Variants in ZDHHC3 observed in about 807,000 individuals in gnomAD.
The protein encoded by ZDHHC3 is palmitoyltransferase ZDHHC3.
ZDHHC3 carries 9 observed loss-of-function variants against 30.6 expected under a neutral mutation model. That is an observed-to-expected ratio of 0.29 (90% CI 0.18 to 0.51). The LOEUF (loss-of-function observed/expected upper bound fraction) is 0.51, where lower values mean the gene tolerates loss of function less well. Among genes scored for constraint, ZDHHC3 ranks in the 20% least tolerant of loss-of-function variants. ZDHHC3 has a pLI of 0.97. For synonymous variants in ZDHHC3, 136 were observed against 140.2 expected (o/e 0.97, Z 0.21); for missense variants, 246 against 384.2 (o/e 0.64, Z 3.01).
chr3:44,975,747 G>GTCTCTC (rs144383795), intron 1 of ZDHHC3, among the ~76,000 whole-genome samples, 186 bp downstream of exon 1: 2 of 134,718 alleles, frequency 1.5e-5, no homozygotes, highest in South Asian at 2.6e-4. Flanking sequence ...CTTAGTCGGG[G>GTCTCTC]TCTCTCTCTC....
In ZDHHC3 at chr3:44,929,312, A is replaced by G. The variant is rs746547111; in HGVS notation, c.735T>C (p.Asp245=). The change falls in exon 6 of 7, where the codon GAT becomes GAC. Residue 245 remains aspartate, a synonymous_variant. Transcript: ENST00000424952. ...GGCAGAGCCACCTGCTTACCGTCTCATCTGTGCAGATGGAGTGCACCTGGG... is the reference window on the plus strand; with the variant it reads ...GGCAGAGCCACCTGCTTACCGTCTCGTCTGTGCAGATGGAGTGCACCTGGG... The part of the protein sequence containing the change: ...FGTQVHSICT[D]ETGIEQLKKE... 1.7e-5 allele frequency: 27 copies of G among 1,613,958 alleles called. No homozygotes were observed. The highest frequency in any genetic ancestry group is 2.2e-5 in the Non-Finnish European group (26 of 1,179,908).
chr3:44,944,927 A>G (rs1702782612), intron 3 of ZDHHC3, among the ~76,000 whole-genome samples: 1 of 152,186 alleles, frequency 6.6e-6, no homozygotes, highest in Non-Finnish European at 1.5e-5. Flanking sequence ...GGCAGAGCCA[A>G]GTCCCGGGAC....
At chr3:44,964,256 A>G (rs920845035) in intron 1 of ZDHHC3, among the ~76,000 whole-genome samples, 2 of 152,236 alleles carry the variant, frequency 1.3e-5, no homozygotes, top group Non-Finnish European at 2.9e-5. Context: ...CCCAACAACC[A>G]TAAGTGAAAT....
At position 44,919,767 on chromosome 3, in the gene ZDHHC3, G is replaced by T; in HGVS notation, c.*6922C>A. 3 of 575,582 alleles carry T rather than the reference G, an allele frequency of 5.2e-6. No individual in the cohort carries two copies. The highest frequency in any genetic ancestry group is 6.6e-6 in the Non-Finnish European group (3 of 455,880). 35.7% of individuals were successfully genotyped at this position (575,582 alleles called of 1,614,324 possible). On this transcript the variant is annotated 3_prime_UTR_variant, in exon 7 of 7. Transcript: ENST00000424952. ...ATGGTTGTATAAAATGTTTACCTTT[G>T]GTGAGACTGACTGAAAGGTACATGG...
intron 3 of ZDHHC3, among the ~76,000 whole-genome samples, chr3:44,943,919 C>A (rs1702668386): frequency 6.6e-6 from 1 of 152,158 alleles, no homozygotes; most frequent in African/African-American, 2.4e-5. Flanking sequence ...GCCTGGGAGT[C>A]TGAAGCCGCA....
chr3:44,925,740 T>A lies in ZDHHC3; in HGVS notation c.*949A>T. 3.0e-6 allele frequency: 3 copies of A among 985,722 alleles called. No individual in the cohort carries two copies. Among genetic ancestry groups the A allele is most frequent in the Non-Finnish European group, 3.6e-6 (3 of 829,940 alleles). 61.1% of individuals were successfully genotyped at this position (985,722 alleles called of 1,614,324 possible). A position where few individuals can be genotyped will look rare whatever the true frequency, so the allele number is the denominator to read the frequency against. ...GTTAACTATCAGAAAGTGAATCCAC[T>A]TTGAGGTTTATAAAATGAGAAGGGG... On this transcript the variant is annotated 3_prime_UTR_variant, in exon 7 of 7. Transcript: ENST00000424952.
At chr3:44,965,742 G>C (rs1429192036) in intron 1 of ZDHHC3, among the ~76,000 whole-genome samples, 2 of 152,180 alleles carry the variant, frequency 1.3e-5, no homozygotes, top group Non-Finnish European at 2.9e-5. Context: ...ACTGTTCTCA[G>C]TCCAGCAAGT....
intron 1 of ZDHHC3, among the ~76,000 whole-genome samples, chr3:44,974,696 G>A (rs1423240890): frequency 6.6e-6 from 1 of 152,186 alleles, no homozygotes; most frequent in Non-Finnish European, 1.5e-5. Flanking sequence ...CCTTTTAGGT[G>A]CCCCTGTGGA....
intron 3 of ZDHHC3, among the ~76,000 whole-genome samples, chr3:44,940,244 T>C (rs754307875): frequency 2.2e-4 from 33 of 152,238 alleles, no homozygotes; most frequent in Non-Finnish European, 4.4e-4. Context: ...TGCATGCACA[T>C]GGGCAGGGGG....
intron 2 of ZDHHC3, among the ~76,000 whole-genome samples, chr3:44,950,231 A>T (rs1056365112): frequency 2.6e-5 from 4 of 152,240 alleles, no homozygotes; most frequent in Admixed American, 2.0e-4. Flanking sequence ...TGTCATGTGT[A>T]TAAGAGAAAA....
chr3:44,925,969 C>T lies in ZDHHC3; in HGVS notation c.*720G>A. Reference sequence around the variant, plus strand: ...AAGGCATTTTGAACTGGAAAAACGTCTTTCCTACACACTCTTCCAAATAAT... The same window carrying T: ...AAGGCATTTTGAACTGGAAAAACGTTTTTCCTACACACTCTTCCAAATAAT... On this transcript the variant is annotated 3_prime_UTR_variant, in exon 7 of 7. Coordinates refer to ENST00000424952, the MANE Select transcript of ZDHHC3 (RefSeq NM_001135179.2). 1.0e-6 allele frequency: 1 copy of T among 985,826 alleles called. No individual in the cohort carries two copies. Among genetic ancestry groups the T allele is most frequent in the Non-Finnish European group, 1.2e-6 (1 of 829,932 alleles). 61.1% of individuals were successfully genotyped at this position (985,826 alleles called of 1,614,324 possible).
In ZDHHC3 at chr3:44,922,446, C is replaced by T; in HGVS notation, c.*4243G>A. The T allele has an allele frequency of 2.0e-6, 2 of 985,438 alleles. No homozygotes were observed. Among genetic ancestry groups the T allele is most frequent in the Non-Finnish European group, 2.4e-6 (2 of 829,936 alleles). 61.0% of individuals were successfully genotyped at this position (985,438 alleles called of 1,614,324 possible). A position where few individuals can be genotyped will look rare whatever the true frequency, so the allele number is the denominator to read the frequency against. On this transcript the variant is annotated 3_prime_UTR_variant, in exon 7 of 7. Coordinates refer to ENST00000424952, the MANE Select transcript of ZDHHC3 (RefSeq NM_001135179.2). ...TGGTGGGCAGGCTAATAATTTGGAT[C>T]TGCTTCATACAGACTTTCTTTGATG...
At chr3:44,938,495 C>T (rs370239358) in intron 3 of ZDHHC3, 13 of 195,000 alleles carry the variant, frequency 6.7e-5, no homozygotes, top group African/African-American at 2.1e-4. Flanking sequence ...GCACAAAGGA[C>T]GATATTTCAA....
rs1462902374 is a variant in ZDHHC3, at chr3:44,925,877, A to G, written c.*812T>C. Reference sequence around the variant, plus strand: ...AGGGAGATGGGGTGGTGAGAGAGGAAGCAGATGAAACAAAGGAAAACGTAG... The same window carrying G: ...AGGGAGATGGGGTGGTGAGAGAGGAGGCAGATGAAACAAAGGAAAACGTAG... On this transcript the variant is annotated 3_prime_UTR_variant, in exon 7 of 7. Transcript: ENST00000424952. The G allele has an allele frequency of 4.1e-6, 4 of 985,744 alleles. No homozygotes were observed. The African/African-American group carries it at 5.2e-5, about 13-fold the overall frequency. The allele number at this position is 985,744 out of a possible 1,614,324, so 61.1% of individuals were successfully genotyped here.
At chr3:44,933,030 C>G in intron 5 of ZDHHC3, 88 bp downstream of exon 5, 8 of 1,613,424 alleles carry the variant, frequency 5.0e-6, no homozygotes, top group Non-Finnish European at 6.8e-6. Flanking sequence ...GCCCCTGGCA[C>G]CATGAAGGAA....
Position 44,933,968 on chromosome 3 carries a change from T to C in ZDHHC3, c.448A>G (p.Ile150Val). Residue 150 changes from isoleucine (I) to valine (V), a missense_variant, in exon 4 of 7, where the codon ATT becomes GTT. Coordinates refer to ENST00000424952, the MANE Select transcript of ZDHHC3 (RefSeq NM_001135179.2). Reference sequence around the variant, plus strand: ...GGACAGTGGTGGTCCATCTTCCGAATGCACCGCTTACAAACACTGAAACAG... The same window carrying C: ...GGACAGTGGTGGTCCATCTTCCGAACGCACCGCTTACAAACACTGAAACAG... ...AHHCSVCKRC[I>V]RKMDHHCPWV... 6.2e-7 allele frequency: 1 copy of C among 1,614,172 alleles called. No homozygotes were observed. Among genetic ancestry groups the C allele is most frequent in the Non-Finnish European group, 8.5e-7 (1 of 1,180,022 alleles).
Position 44,921,203 on chromosome 3 carries a change from G to A in ZDHHC3, c.*5486C>T. 1 of 979,340 alleles carries A rather than the reference G, an allele frequency of 1.0e-6. No homozygotes were observed. Among genetic ancestry groups the A allele is most frequent in the Non-Finnish European group, 1.2e-6 (1 of 828,790 alleles). 60.7% of individuals were successfully genotyped at this position (979,340 alleles called of 1,614,324 possible). ...AACAAACTCACCAACACTCCAAAAT[G>A]AATGTATTAGGACTAAGGCTCCCGA... On this transcript the variant is annotated 3_prime_UTR_variant, in exon 7 of 7. Transcript: ENST00000424952.
At chr3:44,962,051 C>T (rs540145197) in intron 1 of ZDHHC3, among the ~76,000 whole-genome samples, 58 of 152,314 alleles carry the variant, frequency 3.8e-4, no homozygotes, top group African/African-American at 1.3e-3. Flanking sequence ...TGATGGAGAT[C>T]GTCAGTTACA....
At chr3:44,962,007 A>G (rs1255365791) in intron 1 of ZDHHC3, among the ~76,000 whole-genome samples, 1 of 152,226 alleles carries the variant, frequency 6.6e-6, no homozygotes, top group Non-Finnish European at 1.5e-5. Context: ...CAAATAAATA[A>G]CAGATCCTGC....
Sources: gnomAD v4.1 joint callset for allele counts (sites outside exome capture counted in the v4.1 genomes callset) on GRCh38, gnomAD v4.1.1 for gene constraint, MANE v1.5 for transcripts, NCBI Gene and HGNC (gene_info 2026-07-23, HGNC 2026-07-21) for gene names.